Variants in FRMD3 observed in about 807,000 individuals in gnomAD.
FRMD3 encodes FERM domain-containing protein 3.
FRMD3 carries 33 observed loss-of-function variants against 70.2 expected under a neutral mutation model. That is an observed-to-expected ratio of 0.47 (90% CI 0.36 to 0.63). FRMD3 has a LOEUF of 0.63. FRMD3 is among the 20% of genes least tolerant of loss of function. The pLI, the probability that FRMD3 is intolerant of heterozygous loss-of-function variation, is 0.00. For missense variants in FRMD3, 632 were observed against 711.4 expected (o/e 0.89, Z 1.27); for synonymous variants, 279 against 255.9 (o/e 1.09, Z -0.86).
At chr9:83,560,443 C>T in the FRMD3 span, among the ~76,000 whole-genome samples, 1 of 152,214 alleles carries the variant, frequency 6.6e-6, no homozygotes, top group African/African-American at 2.4e-5. Flanking sequence ...AAACTAACAC[C>T]CTGGCATCAT....
intron 1 of FRMD3, among the ~76,000 whole-genome samples, chr9:83,505,397 A>G (rs1277351298): frequency 6.6e-6 from 1 of 152,184 alleles, no homozygotes; most frequent in Non-Finnish European, 1.5e-5. Context: ...GTCCTCTAAG[A>G]TCAGCCAAGT....
intron 5 of FRMD3, among the ~76,000 whole-genome samples, chr9:83,336,358 C>T (rs1823578814): frequency 6.6e-6 from 1 of 151,030 alleles, no homozygotes; most frequent in Admixed American, 6.6e-5. Flanking sequence ...TTTAATGCCC[C>T]CGCCCCAGTA....
intron 1 of FRMD3, among the ~76,000 whole-genome samples, chr9:83,422,660 C>G (rs1826678722): frequency 6.6e-6 from 1 of 152,144 alleles, no homozygotes; most frequent in South Asian, 2.1e-4. Context: ...GACAAATGAT[C>G]ACAGAACTCT....
chr9:83,572,148 GGTGTGTGTGTGT>G, the FRMD3 span, among the ~76,000 whole-genome samples: 15 of 149,018 alleles, frequency 1.0e-4, no homozygotes, highest in Admixed American at 2.0e-4. Flanking sequence ...AGTTTTTTGA[GGTGTGTGTGTGT>G]GTGTGTGTGT....
intron 1 of FRMD3, among the ~76,000 whole-genome samples, chr9:83,536,930 T>TAAAAGAAAAAAAAAAAAAAA (rs1829905161): frequency 1.6e-5 from 1 of 60,894 alleles, no homozygotes; most frequent in African/African-American, 6.1e-5. Context: ...TGTATTACAC[T>TAAAAGAAAAAAAAAAAAAAA]AAAAAAAAAA....
intron 10 of FRMD3, among the ~76,000 whole-genome samples, chr9:83,299,550 G>C (rs936998425): frequency 2.6e-5 from 4 of 152,342 alleles, no homozygotes; most frequent in Non-Finnish European, 5.9e-5. Context: ...AGGGAATTTT[G>C]TGACATGGCA....
At chr9:83,470,429 G>A (rs1203591275) in intron 1 of FRMD3, among the ~76,000 whole-genome samples, 1 of 152,212 alleles carries the variant, frequency 6.6e-6, no homozygotes, top group Non-Finnish European at 1.5e-5. Flanking sequence ...CTCTCTCAGA[G>A]GGTTGTTTTG....
At chr9:83,350,639 G>GAAAGAAAAAGAA (rs1824121962) in intron 3 of FRMD3, 1 of 326,440 alleles carries the variant, frequency 3.1e-6, no homozygotes, top group African/African-American at 2.7e-5. Context: ...AAAAAAAAAA[G>GAAAGAAAAAGAA]AAAGAAAGAA....
intron 1 of FRMD3, among the ~76,000 whole-genome samples, chr9:83,491,264 GGT>G (rs1485961576): frequency 1.8e-4 from 27 of 152,210 alleles, no homozygotes; most frequent in African/African-American, 6.3e-4. Context: ...TTCCACTATG[GGT>G]GTGTAAGAAG....
At chr9:83,454,864 A>G (rs1827774333) in intron 1 of FRMD3, among the ~76,000 whole-genome samples, 1 of 152,232 alleles carries the variant, frequency 6.6e-6, no homozygotes, top group Admixed American at 6.5e-5. Context: ...GTGACAGAGA[A>G]CAAGGAAAAT....
At chr9:83,326,116 G>C (rs995271330) in intron 6 of FRMD3, among the ~76,000 whole-genome samples, 4 of 152,154 alleles carry the variant, frequency 2.6e-5, no homozygotes, top group African/African-American at 9.7e-5. Flanking sequence ...ACCACAGGAA[G>C]CCATGTCTAT....
intron 1 of FRMD3, among the ~76,000 whole-genome samples, chr9:83,523,508 A>G (rs185770457): frequency 6.6e-6 from 1 of 152,362 alleles, no homozygotes; most frequent in Admixed American, 6.5e-5. Context: ...TGCCATTTCT[A>G]ACCCAGTAAA....
At chr9:83,490,359 G>C (rs547899998) in intron 1 of FRMD3, among the ~76,000 whole-genome samples, 1 of 152,160 alleles carries the variant, frequency 6.6e-6, no homozygotes, top group East Asian at 1.9e-4. Context: ...GGCACTTTCA[G>C]CTCATTGAAA....
chr9:83,449,161 C>A (rs1362735454), intron 1 of FRMD3, among the ~76,000 whole-genome samples: 4 of 152,128 alleles, frequency 2.6e-5, no homozygotes, highest in Non-Finnish European at 5.9e-5. Context: ...CAAGAGAGGA[C>A]CACCAAATCA....
chr9:83,267,038 C>G, intron 13 of FRMD3: 1 of 1,550,950 alleles, frequency 6.4e-7, no homozygotes, highest in Non-Finnish European at 8.7e-7. Flanking sequence ...GACCTTGGAG[C>G]CGAGTCTCAG....
At chr9:83,243,137 G>A (rs1831939176), downstream of FRMD3, 2 of 1,518,994 alleles carry the variant, frequency 1.3e-6, no homozygotes, top group Non-Finnish European at 1.8e-6. Context: ...GTCACAGACG[G>A]AGGCTGGAAC....
chr9:83,407,273 TG>T (rs976974500), intron 1 of FRMD3, among the ~76,000 whole-genome samples: 1 of 152,234 alleles, frequency 6.6e-6, no homozygotes, highest in Non-Finnish European at 1.5e-5. Flanking sequence ...AGTAAATACT[TG>T]GTACAAATAT....
chr9:83,321,162 T>A (rs1302801645), intron 6 of FRMD3, among the ~76,000 whole-genome samples: 2 of 152,198 alleles, frequency 1.3e-5, no homozygotes, highest in East Asian at 3.8e-4. Flanking sequence ...GTTGATCTTT[T>A]GTAATTTTTT....
intron 3 of FRMD3, among the ~76,000 whole-genome samples, chr9:83,353,937 T>C (rs937181055): frequency 1.3e-5 from 2 of 152,100 alleles, no homozygotes; most frequent in African/African-American, 2.4e-5. Flanking sequence ...CTTTTTTTTT[T>C]CTTGAGACAG....
Sources: gnomAD v4.1 joint callset for allele counts (sites outside exome capture counted in the v4.1 genomes callset) on GRCh38, gnomAD v4.1.1 for gene constraint, MANE v1.5 for transcripts, NCBI Gene and HGNC (gene_info 2026-07-23, HGNC 2026-07-21) for gene names.